The following MERTK variants were observed in gnomAD, a reference collection of about 807,000 sequenced individuals.
The protein encoded by MERTK is tyrosine-protein kinase Mer.
Under a neutral mutation model 99.3 loss-of-function variants are expected in MERTK, and 69 were observed. The observed-to-expected ratio is 0.70, with a 90% CI of 0.57 to 0.85. MERTK has a LOEUF of 0.85. Ranked by LOEUF, MERTK falls within the 40% of genes least tolerant of loss-of-function variation. MERTK has a pLI of 0.00. For synonymous variants in MERTK, 426 were observed against 467.6 expected (o/e 0.91, Z 1.15); for missense variants, 1,125 against 1,249.4 (o/e 0.90, Z 1.50).
At chr2:111,955,433 T>C (rs1034806710) in intron 4 of MERTK, among the ~76,000 whole-genome samples, 1 of 152,058 alleles carries the variant, frequency 6.6e-6, no homozygotes, top group African/African-American at 2.4e-5. Flanking sequence ...GGGGTTAGGT[T>C]TGGGGGTAGG....
chr2:111,954,002 A>G (rs761339133), intron 4 of MERTK, among the ~76,000 whole-genome samples: 12 of 152,248 alleles, frequency 7.9e-5, no homozygotes, highest in African/African-American at 1.9e-4. Context: ...CTGTGGTCCA[A>G]TCTTTCTCGT....
At position 111,929,276 on chromosome 2, in the gene MERTK, CACA is replaced by C; in HGVS notation, c.219_221del (p.His74del). The C allele has an allele frequency of 6.2e-7, 1 of 1,614,224 alleles. No homozygotes were observed. Among genetic ancestry groups the C allele is most frequent in the East Asian group, 2.2e-5 (1 of 44,884 alleles). ...TTTTCACCAACCCAGCCTGGAAGAC[CACA>C]TACAGGAAACGTAGCCATTCCCCAG... On this transcript the variant is annotated inframe_deletion, in exon 2 of 19. Coordinates refer to ENST00000295408, the MANE Select transcript of MERTK (RefSeq NM_006343.3).
intron 18 of MERTK, chr2:112,026,292 T>G (rs1677459003): frequency 6.6e-6 from 1 of 152,332 alleles, no homozygotes; most frequent in Admixed American, 6.5e-5. Flanking sequence ...AGTTTCAAAG[T>G]GATATTGATA....
chr2:111,936,513 T>G (rs1401854361), intron 2 of MERTK, among the ~76,000 whole-genome samples: 1 of 152,232 alleles, frequency 6.6e-6, no homozygotes, highest in Non-Finnish European at 1.5e-5. Flanking sequence ...CTAGGTGCCC[T>G]CTTGAGCTAT....
chr2:112,003,195 A>G lies in MERTK; in HGVS notation c.1786+8A>G, dbSNP rs2104406903. 7.8e-7 allele frequency: 1 copy of G among 1,289,640 alleles called. No individual in the cohort carries two copies. The highest frequency in any genetic ancestry group is 1.5e-5 in the African/African-American group (1 of 68,764). The allele number at this position is 1,289,640 out of a possible 1,614,324, so 79.9% of individuals were successfully genotyped here. A position where few individuals can be genotyped will look rare whatever the true frequency, so the allele number is the denominator to read the frequency against. On this transcript the variant is annotated splice_region_variant and intron_variant, in intron 12 of 18. Coordinates refer to ENST00000295408, the MANE Select transcript of MERTK (RefSeq NM_006343.3). The stretch of plus-strand genomic sequence containing the variant: ...GAAAAATTCTGGGTGAAGGTAAGCA[A>G]TTTAAAGTAATTCTTTTAAAATGTG...
At chr2:112,012,978 T>C (rs1261255270) in intron 15 of MERTK, among the ~76,000 whole-genome samples, 1 of 152,196 alleles carries the variant, frequency 6.6e-6, no homozygotes, top group African/African-American at 2.4e-5. Context: ...CAGCTGACGT[T>C]GTTGGTATCT....
chr2:111,929,104 A>T lies in MERTK; in HGVS notation c.62-16A>T, dbSNP rs531914747. The stretch of plus-strand genomic sequence containing the variant: ...TCTTATTTAAAAGGCTAAAATTTGG[A>T]TGTTCTGTTTTACAGCTATCACTGA... On this transcript the variant is annotated splice_polypyrimidine_tract_variant and intron_variant, in intron 1 of 18. Coordinates refer to ENST00000295408, the MANE Select transcript of MERTK (RefSeq NM_006343.3). 2.8e-5 allele frequency: 46 copies of T among 1,614,096 alleles called. No individual in the cohort carries two copies. The South Asian group carries it at 4.4e-4, about 15-fold the overall frequency.
chr2:111,903,186 C>G (rs113008688), intron 1 of MERTK, among the ~76,000 whole-genome samples: 1 of 152,168 alleles, frequency 6.6e-6, no homozygotes, highest in Non-Finnish European at 1.5e-5. Flanking sequence ...GGAGCTCATA[C>G]GGGTGCTCAG....
At chr2:112,022,111 G>A (rs1277518568) in intron 17 of MERTK, 147 bp from the exon 18 acceptor site, 15 of 1,079,912 alleles carry the variant, frequency 1.4e-5, no homozygotes, top group East Asian at 1.0e-4. Flanking sequence ...CGTTATTGCC[G>A]CGTTGGGAGA....
chr2:111,975,118 T>C (rs1227003001), intron 6 of MERTK, among the ~76,000 whole-genome samples, 171 bp from the exon 7 acceptor site: 1 of 152,190 alleles, frequency 6.6e-6, no homozygotes, highest in Non-Finnish European at 1.5e-5. Context: ...TCCGAGGGCA[T>C]GAGTAACACA....
chr2:111,908,677 A>G (rs1341043703), intron 1 of MERTK, among the ~76,000 whole-genome samples: 1 of 152,162 alleles, frequency 6.6e-6, no homozygotes, highest in Non-Finnish European at 1.5e-5. Context: ...TTCTCATACA[A>G]CAAGCAGTCT....
intron 18 of MERTK, 128 bp from the exon 19 acceptor site, chr2:112,028,223 T>C (rs1677510069): frequency 1.9e-5 from 20 of 1,079,918 alleles, no homozygotes; most frequent in Non-Finnish European, 2.6e-5. Flanking sequence ...AAAGTCTCAA[T>C]AATTTTTATA....
chr2:111,975,888 C>G (rs945354564), intron 7 of MERTK, among the ~76,000 whole-genome samples: 1 of 152,046 alleles, frequency 6.6e-6, no homozygotes, highest in African/African-American at 2.4e-5. Context: ...AAGTCTGACA[C>G]TACATGGAGA....
chr2:111,968,035 G>C, intron 5 of MERTK, 102 bp from the exon 6 acceptor site: 1 of 837,034 alleles, frequency 1.2e-6, no homozygotes, highest in South Asian at 1.4e-5. Flanking sequence ...CTAATCTCAA[G>C]GAACGAAAAC....
At chr2:111,962,107 T>C (rs147693363) in intron 4 of MERTK, among the ~76,000 whole-genome samples, 1 of 152,334 alleles carries the variant, frequency 6.6e-6, no homozygotes, top group Non-Finnish European at 1.5e-5. Flanking sequence ...TTTCAACAAT[T>C]TTATGAAGAT....
chr2:112,008,691 AG>A (rs1230902206), intron 14 of MERTK: 1 of 622,450 alleles, frequency 1.6e-6, no homozygotes, highest in Non-Finnish European at 2.9e-6. Context: ...TGATAGGCTC[AG>A]GAATGATTTG....
At chr2:111,948,876 G>A (rs909725858) in intron 4 of MERTK, among the ~76,000 whole-genome samples, 2 of 151,996 alleles carry the variant, frequency 1.3e-5, no homozygotes, top group African/African-American at 4.8e-5. Flanking sequence ...TTCTGTCTTA[G>A]ACTGTCACCC....
At chr2:111,917,134 G>C (rs1168052132) in intron 1 of MERTK, among the ~76,000 whole-genome samples, 2 of 152,228 alleles carry the variant, frequency 1.3e-5, no homozygotes, top group Admixed American at 6.5e-5. Flanking sequence ...GCAGGCCCCA[G>C]ATACTGCCCC....
rs993601119 is a variant in MERTK at position 111,898,708 on chromosome 2, A to G, written c.-28A>G. 2 of 1,602,584 alleles carry G rather than the reference A, an allele frequency of 1.2e-6. No homozygotes were observed. The highest frequency in any genetic ancestry group is 1.3e-5 in the African/African-American group (1 of 74,714). ...GACGTCCATCTGTCCATCCGTCCGG[A>G]GAGAAATTACAGATCCGCAGCCCCG... On this transcript the variant is annotated 5_prime_UTR_variant, in exon 1 of 19. Transcript: ENST00000295408.
Sources: allele counts gnomAD v4.1 joint callset (sites outside exome capture counted in the v4.1 genomes callset), GRCh38; gene constraint gnomAD v4.1.1; transcripts MANE v1.5; gene names NCBI Gene and HGNC (gene_info 2026-07-23, HGNC 2026-07-21).